The following TNRC6B variants were observed in gnomAD, a reference collection of about 807,000 sequenced individuals.
TNRC6B encodes trinucleotide repeat-containing gene 6B protein.
TNRC6B carries 52 observed loss-of-function variants against 203.6 expected under a neutral mutation model. The ratio of observed to expected loss-of-function variants is 0.26; its 90% CI spans 0.20 to 0.32. TNRC6B has a LOEUF of 0.32. Ranked by LOEUF, TNRC6B falls within the 10% of genes least tolerant of loss-of-function variation. TNRC6B has a pLI of 1.00. For synonymous variants in TNRC6B, 838 were observed against 845.7 expected (o/e 0.99, Z 0.16); for missense variants, 1,923 against 2,286.2 (o/e 0.84, Z 3.24).
intron 1 of TNRC6B, among the ~76,000 whole-genome samples, chr22:40,226,444 C>T (rs969111071): frequency 7.2e-5 from 11 of 152,150 alleles, no homozygotes; most frequent in Non-Finnish European, 1.5e-4. Context: ...GGAAGCCCAC[C>T]TGCCGTCAGA....
chr22:40,206,466 ATG>A (rs35037230), intron 1 of TNRC6B, among the ~76,000 whole-genome samples: 27,090 of 152,174 alleles, frequency 0.18, 3,211 homozygotes, highest in Admixed American at 0.32. Context: ...GAGCTTTGTC[ATG>A]TTCATGGTTA....
At chr22:40,282,326 T>A (rs2070729485) in intron 11 of TNRC6B, among the ~76,000 whole-genome samples, 1 of 152,260 alleles carries the variant, frequency 6.6e-6, no homozygotes, top group Non-Finnish European at 1.5e-5. Context: ...AAATGGATTA[T>A]ACTATATCCA....
At chr22:40,247,611 C>CT (rs1569036939) in intron 2 of TNRC6B, among the ~76,000 whole-genome samples, 1 of 152,180 alleles carries the variant, frequency 6.6e-6, no homozygotes, top group African/African-American at 2.4e-5. Context: ...TAATAGACCG[C>CT]TGTGCTCTTT....
Position 40,277,147 on chromosome 22 carries a change from T to C in TNRC6B, c.3212T>C (p.Leu1071Ser). The change falls in exon 8 of 23, where the codon TTG becomes TCG. Residue 1071 changes from leucine (L) to serine (S), a missense_variant. Leu to Ser is a moderately radical substitution (Grantham distance 145). Transcript: ENST00000454349. ...PLAKQFSNMG[L>S]LSQTEDNPSS... ...GCCAAACAGTTTTCAAATATGGGAT[T>C]GCTGGTAAGTTTTATTTTTTTCAAA... 6.2e-7 allele frequency: 1 copy of C among 1,605,990 alleles called. No individual in the cohort carries two copies. Among genetic ancestry groups the C allele is most frequent in the South Asian group, 1.1e-5 (1 of 88,618 alleles).
rs956458981 is a variant in TNRC6B, at chr22:40,132,316, A to G, written c.45+6454A>G. On this transcript the variant is annotated intron_variant, in intron 3 of 23. Coordinates refer to the TNRC6B transcript ENST00000301923. ...AGGAGGCAGAGGTTGCAGTGAGCCA[A>G]GATCACACCACTGCACTCCAGCCTG... Among the ~76,000 whole-genome samples the G allele has an allele frequency of 4.6e-5, 7 of 152,050 alleles. 1 individual carries two copies. Among genetic ancestry groups the G allele is most frequent in the Non-Finnish European group, 1.0e-4 (7 of 67,996 alleles).
At chr22:40,248,551 G>A (rs2070140901) in intron 2 of TNRC6B, among the ~76,000 whole-genome samples, 1 of 152,162 alleles carries the variant, frequency 6.6e-6, no homozygotes, top group African/African-American at 2.4e-5. Context: ...ATATGCCTCT[G>A]TAATATGCCT....
upstream of TNRC6B, among the ~76,000 whole-genome samples, chr22:40,177,490 C>T (rs2069074443): frequency 6.6e-6 from 1 of 152,156 alleles, no homozygotes; most frequent in Admixed American, 6.6e-5. Flanking sequence ...TCTTAGAGAT[C>T]AGTCGTGCCC....
intron 1 of TNRC6B, among the ~76,000 whole-genome samples, chr22:40,093,568 A>G (rs2068165280): frequency 6.6e-6 from 1 of 152,262 alleles, no homozygotes; most frequent in Non-Finnish European, 1.5e-5. Flanking sequence ...TTTCAGTGAC[A>G]GTGGAAGCCA....
intron 1 of TNRC6B, among the ~76,000 whole-genome samples, chr22:40,180,350 A>G (rs1451346469): frequency 6.6e-6 from 1 of 152,210 alleles, no homozygotes; most frequent in Non-Finnish European, 1.5e-5. Context: ...TGGCTGTGTA[A>G]ACATATGAAT....
intron 1 of TNRC6B, among the ~76,000 whole-genome samples, chr22:40,102,781 T>C (rs908747297): frequency 3.3e-5 from 5 of 150,952 alleles, no homozygotes; most frequent in Non-Finnish European, 5.9e-5. Flanking sequence ...TCTAAAAAAA[T>C]AAAAATAAAA....
At chr22:40,062,722 C>T (rs995736218) in intron 1 of TNRC6B, among the ~76,000 whole-genome samples, 6 of 152,100 alleles carry the variant, frequency 3.9e-5, no homozygotes, top group Non-Finnish European at 5.9e-5. Context: ...TGATTTTGAG[C>T]ACGTTTTCAT....
At chr22:40,256,320 G>A (rs1365987311) in intron 3 of TNRC6B, among the ~76,000 whole-genome samples, 1 of 152,176 alleles carries the variant, frequency 6.6e-6, no homozygotes, top group Admixed American at 6.5e-5. Flanking sequence ...TGGAAAGGGT[G>A]CAGACCCTAT....
intron 12 of TNRC6B, among the ~76,000 whole-genome samples, chr22:40,287,266 C>T (rs1320506241): frequency 6.6e-6 from 1 of 152,222 alleles, no homozygotes; most frequent in African/African-American, 2.4e-5. Context: ...ACCTCAGCCT[C>T]CCAAAGCACT....
At chr22:40,084,072 G>A (rs1382970574) in intron 1 of TNRC6B, among the ~76,000 whole-genome samples, 2 of 152,206 alleles carry the variant, frequency 1.3e-5, no homozygotes. Flanking sequence ...GCATGGAGAA[G>A]GGAGTTGCTT....
intron 3 of TNRC6B, among the ~76,000 whole-genome samples, chr22:40,154,096 G>C: frequency 6.6e-6 from 1 of 150,652 alleles, no homozygotes. Context: ...TGATTCTCCT[G>C]CCTCTGTCCC....
intron 1 of TNRC6B, among the ~76,000 whole-genome samples, chr22:40,233,818 T>C (rs2069911991): frequency 6.6e-6 from 1 of 152,134 alleles, no homozygotes; most frequent in South Asian, 2.1e-4. Flanking sequence ...ATCTCTGAAG[T>C]CTGCATTCAC....
At chr22:40,162,796 C>T (rs2068882154) in intron 4 of TNRC6B, among the ~76,000 whole-genome samples, 1 of 152,162 alleles carries the variant, frequency 6.6e-6, no homozygotes, top group Non-Finnish European at 1.5e-5. Flanking sequence ...TCTGTATAAT[C>T]TTGAACAGCT....
chr22:40,128,117 G>T (rs980168570), intron 3 of TNRC6B, among the ~76,000 whole-genome samples: 9 of 152,218 alleles, frequency 5.9e-5, no homozygotes, highest in Non-Finnish European at 8.8e-5. Context: ...TTTTATACTT[G>T]CACTAAGTGG....
intron 1 of TNRC6B, among the ~76,000 whole-genome samples, chr22:40,188,081 C>T (rs900913025): frequency 3.3e-5 from 5 of 152,046 alleles, no homozygotes; most frequent in African/African-American, 1.2e-4. Context: ...ATTAGCTGGG[C>T]GCCTGTAATC....
Sources: allele counts gnomAD v4.1 joint callset (sites outside exome capture counted in the v4.1 genomes callset), GRCh38; gene constraint gnomAD v4.1.1; transcripts MANE v1.5; gene names NCBI Gene and HGNC (gene_info 2026-07-23, HGNC 2026-07-21).